Variants in NTNG2 observed in about 807,000 individuals in gnomAD.
NTNG2 encodes netrin G2, also known as netrin-G2.
In NTNG2, 15 loss-of-function variants were observed where a neutral mutation model predicts 47.6. The observed-to-expected ratio is 0.32, with a 90% confidence interval of 0.21 to 0.49. The LOEUF is 0.49. NTNG2 is among the 20% of genes least tolerant of loss of function. The pLI, the probability that NTNG2 is intolerant of heterozygous loss-of-function variation, is 0.99. For synonymous variants in NTNG2, 307 were observed against 324.6 expected (o/e 0.95, Z 0.58); for missense variants, 578 against 764.6 (o/e 0.76, Z 2.88).
rs540841364 is a variant in NTNG2, at chr9:132,182,862, G to A, written c.214-15104G>A. On this transcript the variant is annotated intron_variant, in intron 2 of 7. Coordinates refer to ENST00000393229, the MANE Select transcript of NTNG2 (RefSeq NM_032536.4). The surrounding 1 kb of genome is among the most constrained non-coding windows in gnomAD (Gnocchi z 4.2). ...CTCAGCCGGGGTGCACACTGGACTT[G>A]CCTGGGAGCTTTTCATTCCCCCCCT... 3.2e-4 allele frequency among the ~76,000 whole-genome samples: 48 copies of A among 152,286 alleles called. No homozygotes were observed. The highest frequency in any genetic ancestry group is 1.0e-3 in the African/African-American group (43 of 41,556).
intron 2 of NTNG2, among the ~76,000 whole-genome samples, chr9:132,171,412 A>G (rs1167953898): frequency 1.3e-5 from 2 of 152,222 alleles, no homozygotes; most frequent in Non-Finnish European, 2.9e-5. Context: ...TGAGGCTTGA[A>G]TATTATTGTT....
In NTNG2 at chr9:132,226,311, G is replaced by A. The variant is rs756262779; in HGVS notation, c.858-538G>A. ...ATAATACACCTGTGAATGAACTGAC[G>A]GGGGTGTGGGAGTTGGGGGTTCTAT... On this transcript the variant is annotated intron_variant, in intron 3 of 7. Transcript: ENST00000393229. The surrounding 1 kb of genome is among the most constrained non-coding windows in gnomAD (Gnocchi z 4.8). Among the ~76,000 whole-genome samples the A allele has an allele frequency of 2.3e-4, 35 of 152,306 alleles. No individual in the cohort carries two copies. Among genetic ancestry groups the A allele is most frequent in the African/African-American group, 5.3e-4 (22 of 41,556 alleles).
chr9:132,175,214 C>T (rs1440633076), intron 2 of NTNG2, among the ~76,000 whole-genome samples: 1 of 152,218 alleles, frequency 6.6e-6, no homozygotes, highest in Non-Finnish European at 1.5e-5. Context: ...AGGTCTGTTA[C>T]TGTGCATCTG....
In NTNG2 at chr9:132,180,034, C is replaced by T. The variant is rs1484118528; in HGVS notation, c.213+12990C>T. On this transcript the variant is annotated intron_variant, in intron 2 of 7. Coordinates refer to ENST00000393229, the MANE Select transcript of NTNG2 (RefSeq NM_032536.4). The surrounding 1 kb of genome is among the most constrained non-coding windows in gnomAD (Gnocchi z 4.2). The stretch of plus-strand genomic sequence containing the variant: ...ACTGCCCACCCTGTGGAAAGGGACT[C>T]AGGCCTGTCTTCAAGGACCTGGCAT... Among the ~76,000 whole-genome samples, 1 of 152,136 alleles carries T rather than the reference C, an allele frequency of 6.6e-6. No homozygotes were observed. The highest frequency in any genetic ancestry group is 1.5e-5 in the Non-Finnish European group (1 of 68,020).
At chr9:132,196,698 A>C (rs2130713488) in intron 2 of NTNG2, among the ~76,000 whole-genome samples, 1 of 152,272 alleles carries the variant, frequency 6.6e-6, no homozygotes, top group East Asian at 1.9e-4. Flanking sequence ...GGTTTTCCAC[A>C]CCAACAACCT....
rs1272487067 is a variant in NTNG2, at chr9:132,218,150, G to A, written c.858-8699G>A. 1.3e-5 allele frequency among the ~76,000 whole-genome samples: 2 copies of A among 152,232 alleles called. No homozygotes were observed. Among genetic ancestry groups the A allele is most frequent in the Non-Finnish European group, 2.9e-5 (2 of 68,046 alleles). The stretch of plus-strand genomic sequence containing the variant: ...AGCTGGGCAGAAGCCCTGCCCACCA[G>A]CACCATGGGGGCTCCCGGCTCCTGC... On this transcript the variant is annotated intron_variant, in intron 3 of 7. Transcript: ENST00000393229. The surrounding 1 kb of genome is among the most constrained non-coding windows in gnomAD (Gnocchi z 5.4).
rs1226850354 is a variant in NTNG2, at chr9:132,180,919, A to G, written c.213+13875A>G. 9.2e-5 allele frequency among the ~76,000 whole-genome samples: 14 copies of G among 152,208 alleles called. No individual in the cohort carries two copies. The highest frequency in any genetic ancestry group is 9.2e-4 in the Admixed American group (14 of 15,284). On this transcript the variant is annotated intron_variant, in intron 2 of 7. Coordinates refer to ENST00000393229, the MANE Select transcript of NTNG2 (RefSeq NM_032536.4). This position sits in a 1 kb window ranked among gnomAD's most constrained non-coding sequence, Gnocchi z 4.2. ...CATGCACAGGCACACACACACACATATAAGGTTGCAAACACTTTCAGGGAC... is the reference window on the plus strand; with the variant it reads ...CATGCACAGGCACACACACACACATGTAAGGTTGCAAACACTTTCAGGGAC...
chr9:132,241,949 C>T lies in NTNG2; in HGVS notation c.1431C>T (p.Cys477=), dbSNP rs1244259284. 8 of 1,558,466 alleles carry T rather than the reference C, an allele frequency of 5.1e-6. No homozygotes were observed. The highest frequency in any genetic ancestry group is 6.9e-6 in the Non-Finnish European group (8 of 1,160,550). ...GTCLQNQRCA[C]PRGYTGVRCE... is the part of the protein sequence containing the mutation. ...GCCTGCAGAACCAGCGCTGCGCCTG[C>T]CCGCGCGGCTACACCGGCGTGCGCT... The change falls in exon 8 of 8, where the codon TGC becomes TGT. Residue 477 remains cysteine (C), a synonymous_variant. Coordinates refer to ENST00000393229, the MANE Select transcript of NTNG2 (RefSeq NM_032536.4).
intron 2 of NTNG2, among the ~76,000 whole-genome samples, chr9:132,190,125 T>C (rs11243659): frequency 0.58 from 84,791 of 146,050 alleles, 27,102 homozygotes; most frequent in African/African-American, 0.88. Flanking sequence ...CCCAGCTACT[T>C]GGGAGGCTGA....
rs763148100 is a variant in NTNG2 at position 132,166,781 on chromosome 9, C to T, written c.-51C>T. ...GGCCGCGAGTCCCGCCTGACCCCGT[C>T]GCTGCCTCTCCAGGGCTTCTCTGGG... is the stretch of plus-strand genomic sequence containing the variant. On this transcript the variant is annotated 5_prime_UTR_variant, in exon 2 of 8. Coordinates refer to ENST00000393229, the MANE Select transcript of NTNG2 (RefSeq NM_032536.4). 1.9e-6 allele frequency: 3 copies of T among 1,572,346 alleles called. No homozygotes were observed. The highest frequency in any genetic ancestry group is 2.7e-5 in the African/African-American group (2 of 74,238).
intron 2 of NTNG2, among the ~76,000 whole-genome samples, chr9:132,173,323 G>C (rs778310992): frequency 4.6e-5 from 7 of 152,196 alleles, no homozygotes; most frequent in Non-Finnish European, 8.8e-5. Context: ...CTGGGCAGTA[G>C]ACAATGAGAA....
intron 3 of NTNG2, among the ~76,000 whole-genome samples, chr9:132,217,840 G>A (rs1479184842): frequency 6.6e-6 from 1 of 152,226 alleles, no homozygotes; most frequent in African/African-American, 2.4e-5. Context: ...GGCCAGTGGG[G>A]CCCAGGGGAT....
chr9:132,223,242 G>A (rs948416849), intron 3 of NTNG2, among the ~76,000 whole-genome samples: 2 of 152,196 alleles, frequency 1.3e-5, no homozygotes, highest in Non-Finnish European at 2.9e-5. Context: ...GCAGATGGGG[G>A]TTAGCTGGAA....
intron 2 of NTNG2, among the ~76,000 whole-genome samples, chr9:132,173,153 T>G (rs1181593168): frequency 1.3e-5 from 2 of 152,190 alleles, no homozygotes; most frequent in African/African-American, 4.8e-5. Flanking sequence ...CCGGGAGGTT[T>G]GCACAACTCT....
Position 132,166,826 on chromosome 9 carries a change from G to A in NTNG2, c.-6G>A, listed in dbSNP as rs1270547409. ...TCTGGGCCGCGCCTCTGCAGACTGC[G>A]CAGCCATGCTGCATCTGCTGGCGCT... is the stretch of plus-strand genomic sequence containing the variant. On this transcript the variant is annotated 5_prime_UTR_variant, in exon 2 of 8. Coordinates refer to ENST00000393229, the MANE Select transcript of NTNG2 (RefSeq NM_032536.4). The A allele has an allele frequency of 8.1e-6, 13 of 1,613,442 alleles. No homozygotes were observed. The highest frequency in any genetic ancestry group is 1.7e-5 in the Admixed American group (1 of 60,006).
chr9:132,196,870 A>G (rs1348972939), intron 2 of NTNG2, among the ~76,000 whole-genome samples: 1 of 152,130 alleles, frequency 6.6e-6, no homozygotes, highest in African/African-American at 2.4e-5. Flanking sequence ...CTTCTGTCCA[A>G]TTGGCTGTAA....
chr9:132,237,892 TCTC>T (rs1223410246), intron 5 of NTNG2, among the ~76,000 whole-genome samples: 12 of 152,158 alleles, frequency 7.9e-5, no homozygotes, highest in Non-Finnish European at 1.5e-4. Flanking sequence ...GGATGCCTCA[TCTC>T]CTCATTATCT....
Position 132,162,617 on chromosome 9 carries a change from T to TGTGTGTGTGTG in NTNG2, c.-484+378_-484+379insGTGTGTGTGTG, listed in dbSNP as rs1589338540. Among the ~76,000 whole-genome samples, 1 of 120,976 alleles carries TGTGTGTGTGTG rather than the reference T, an allele frequency of 8.3e-6. No individual in the cohort carries two copies. The highest frequency in any genetic ancestry group is 3.3e-5 in the African/African-American group (1 of 30,710). The allele number at this position is 120,976 out of a possible 152,430, so 79.4% of individuals were successfully genotyped here. ...GTGTGTGTGTGTGTGTGTGTGTGTG[T>TGTGTGTGTGTG]CGGGGAGGGATGTTGCAAGGATGCT... On this transcript the variant is annotated intron_variant, in intron 1 of 7. Transcript: ENST00000393229. This position sits in a 1 kb window ranked among gnomAD's most constrained non-coding sequence, Gnocchi z 4.6.
intron 2 of NTNG2, among the ~76,000 whole-genome samples, chr9:132,176,327 CT>C (rs1836454378): frequency 1.3e-5 from 2 of 152,232 alleles, no homozygotes; most frequent in Admixed American, 1.3e-4. Context: ...ATAGAAAACC[CT>C]GCACCCGTTA....
Sources: gnomAD v4.1 joint callset for allele counts (sites outside exome capture counted in the v4.1 genomes callset) on GRCh38, gnomAD v4.1.1 for gene constraint, Gnocchi (gnomAD v3.1) non-coding constraint, MANE v1.5 for transcripts, NCBI Gene and HGNC (gene_info 2026-07-23, HGNC 2026-07-21) for gene names.